The following CDYL variants were observed in gnomAD, a reference collection of about 807,000 sequenced individuals.
CDYL encodes the protein chromodomain Y-like protein.
Under a neutral mutation model 47.3 loss-of-function variants are expected in CDYL, and 8 were observed. The observed-to-expected ratio is 0.17, with a 90% CI of 0.10 to 0.31. The LOEUF (loss-of-function observed/expected upper bound fraction) is 0.31. Among genes scored for constraint, CDYL ranks in the 10% least tolerant of loss-of-function variants. The pLI is 1.00. For synonymous variants in CDYL, 266 were observed against 265.0 expected (o/e 1.00, Z -0.04); for missense variants, 471 against 701.4 (o/e 0.67, Z 3.71).
chr6:4,831,075 T>C (rs1447136879), intron 1 of CDYL, among the ~76,000 whole-genome samples: 1 of 152,186 alleles, frequency 6.6e-6, no homozygotes, highest in Non-Finnish European at 1.5e-5. Flanking sequence ...CTTGTGCATG[T>C]GTCTTTATAG....
chr6:4,938,425 T>C (rs948413253), intron 4 of CDYL, among the ~76,000 whole-genome samples: 21 of 152,320 alleles, frequency 1.4e-4, no homozygotes, highest in African/African-American at 4.6e-4. Context: ...TTTGTTATAA[T>C]TTTCAGTTTA....
chr6:4,845,521 T>G (rs557756864), intron 1 of CDYL, among the ~76,000 whole-genome samples: 1 of 152,238 alleles, frequency 6.6e-6, no homozygotes, highest in Non-Finnish European at 1.5e-5. Flanking sequence ...TTTTACGATA[T>G]TATTAACAGT....
chr6:4,871,331 A>T (rs1258273773), intron 1 of CDYL, among the ~76,000 whole-genome samples: 1 of 152,122 alleles, frequency 6.6e-6, no homozygotes, highest in Non-Finnish European at 1.5e-5. Context: ...TTTAATGTGG[A>T]TTGGAAGTGC....
chr6:4,921,796 T>A (rs77925101), intron 2 of CDYL, among the ~76,000 whole-genome samples: 1 of 146,358 alleles, frequency 6.8e-6, no homozygotes, highest in Non-Finnish European at 1.5e-5. Flanking sequence ...TGCCATATAC[T>A]TTTTTTTTTT....
Position 4,711,274 on chromosome 6 carries a change from G to T in CDYL, c.-38-4467G>T, listed in dbSNP as rs78216315. Among the ~76,000 whole-genome samples, 803 of 152,258 alleles carry T rather than the reference G, an allele frequency of 5.3e-3. 7 individuals carry two copies. The highest frequency in any genetic ancestry group is 0.018 in the African/African-American group (761 of 41,534). On this transcript the variant is annotated intron_variant, in intron 1 of 8. Coordinates refer to the CDYL transcript ENST00000328908. The stretch of plus-strand genomic sequence containing the variant: ...AGGCCCTTTAACCTAACCCTCTCCT[G>T]CCACAGAGTAAAGGAAGAAACAAGA...
intron 3 of CDYL, among the ~76,000 whole-genome samples, chr6:4,744,063 GA>G (rs1246709804): frequency 6.6e-6 from 1 of 152,142 alleles, no homozygotes; most frequent in Non-Finnish European, 1.5e-5. Context: ...TCCTGACCCA[GA>G]AGTCTGCAGA....
intron 2 of CDYL, among the ~76,000 whole-genome samples, chr6:4,721,326 C>T (rs1757365200): frequency 6.6e-6 from 1 of 152,048 alleles, no homozygotes; most frequent in South Asian, 2.1e-4. Context: ...TCCAATTTTA[C>T]CCTGTGTGCT....
intron 1 of CDYL, among the ~76,000 whole-genome samples, chr6:4,852,395 TTCC>T (rs1291618768): frequency 7.5e-6 from 1 of 133,136 alleles, no homozygotes; most frequent in African/African-American, 3.7e-5. Flanking sequence ...TCTTCCTTCC[TTCC>T]TCCTTCCTTC....
At chr6:4,935,843 A>C (rs866283828) in intron 3 of CDYL, 72 bp downstream of exon 3, 6 of 1,588,032 alleles carry the variant, frequency 3.8e-6, no homozygotes, top group Non-Finnish European at 5.1e-6. Flanking sequence ...GCCTGGCTGA[A>C]CTGGCTCTTC....
chr6:4,718,011 G>A (rs1398587470), intron 2 of CDYL, among the ~76,000 whole-genome samples: 1 of 151,712 alleles, frequency 6.6e-6, no homozygotes, highest in African/African-American at 2.4e-5. Flanking sequence ...ACACCCGGCT[G>A]ATTTTATATT....
At chr6:4,849,198 G>A (rs999110694) in intron 1 of CDYL, among the ~76,000 whole-genome samples, 1 of 152,130 alleles carries the variant, frequency 6.6e-6, no homozygotes, top group South Asian at 2.1e-4. Context: ...GCAGGAATGA[G>A]TGTTTCTTAA....
intron 2 of CDYL, among the ~76,000 whole-genome samples, chr6:4,893,891 G>A (rs1201104255): frequency 1.3e-5 from 2 of 152,230 alleles, no homozygotes; most frequent in Non-Finnish European, 2.9e-5. Flanking sequence ...CTCGGCCCAG[G>A]CCCTTGTGTA....
chr6:4,851,128 G>A (rs757966569), intron 1 of CDYL, among the ~76,000 whole-genome samples: 1 of 152,154 alleles, frequency 6.6e-6, no homozygotes, highest in Non-Finnish European at 1.5e-5. Flanking sequence ...AGAGCCAGAG[G>A]ACATGGACGT....
Position 4,903,391 on chromosome 6 carries a change from G to A in CDYL, c.691+11012G>A, listed in dbSNP as rs1486704863. On this transcript the variant is annotated intron_variant, in intron 2 of 6. Coordinates refer to ENST00000397588, the MANE Select transcript of CDYL (RefSeq NM_004824.4). ...TTCTACTACCTGCCACATGGTAGGC[G>A]GCCACTAAACTGTGGAGTGGATGAA... 5.3e-5 allele frequency among the ~76,000 whole-genome samples: 8 copies of A among 152,162 alleles called. No individual in the cohort carries two copies. In the East Asian group the frequency reaches 7.7e-4, roughly 15 times the overall value.
intron 2 of CDYL, among the ~76,000 whole-genome samples, chr6:4,906,064 T>C (rs1757225430): frequency 6.6e-6 from 1 of 152,140 alleles, no homozygotes. Flanking sequence ...TAAGGAGGAG[T>C]GTCTACAGCT....
chr6:4,895,174 T>G lies in CDYL; in HGVS notation c.691+2795T>G, dbSNP rs528432445. 4.9e-4 allele frequency among the ~76,000 whole-genome samples: 7 copies of G among 14,210 alleles called. 3 individuals are homozygous for G. Among genetic ancestry groups the G allele is most frequent in the African/African-American group, 5.3e-4 (7 of 13,192 alleles). The allele number at this position is 14,210 out of a possible 152,430, so 9.3% of individuals were successfully genotyped here. On this transcript the variant is annotated intron_variant, in intron 2 of 6. Transcript: ENST00000397588. Reference sequence around the variant, plus strand: ...ATACACATACATGTACATATGTGTATGTATATATGTGTATATATGTATACA... The same window carrying G: ...ATACACATACATGTACATATGTGTAGGTATATATGTGTATATATGTATACA...
chr6:4,948,853 T>C (rs1758611159), intron 5 of CDYL, among the ~76,000 whole-genome samples: 1 of 152,252 alleles, frequency 6.6e-6, no homozygotes, highest in Admixed American at 6.5e-5. Flanking sequence ...ATAAACGTTG[T>C]TCAGATGACT....
chr6:4,817,469 C>T (rs925827540), intron 1 of CDYL, among the ~76,000 whole-genome samples: 1 of 152,104 alleles, frequency 6.6e-6, no homozygotes, highest in Non-Finnish European at 1.5e-5. Flanking sequence ...CCCTTACGAG[C>T]CACCACTAGA....
chr6:4,798,830 A>G (rs1759146173), intron 1 of CDYL, among the ~76,000 whole-genome samples: 1 of 150,296 alleles, frequency 6.7e-6, no homozygotes, highest in Admixed American at 6.6e-5. Context: ...TTATGAATTC[A>G]CAGCCTTTAA....
Sources: allele counts gnomAD v4.1 joint callset (sites outside exome capture counted in the v4.1 genomes callset), GRCh38; gene constraint gnomAD v4.1.1; transcripts MANE v1.5; gene names NCBI Gene and HGNC (gene_info 2026-07-23, HGNC 2026-07-21).